PARVB: variants seen among roughly 807,000 people sequenced by gnomAD.
PARVB encodes the protein beta-parvin.
PARVB carries 46 observed loss-of-function variants against 47.0 expected under a neutral mutation model. The ratio of observed to expected loss-of-function variants is 0.98; its 90% confidence interval spans 0.77 to 1.25. The LOEUF (loss-of-function observed/expected upper bound fraction) is 1.25, where lower values mean the gene tolerates loss of function less well. Ranked by LOEUF, PARVB falls within the 50% of genes most tolerant of loss-of-function variation. PARVB has a pLI of 0.00. For synonymous variants in PARVB, 196 were observed against 196.3 expected, an observed-to-expected ratio of 1.00 and a Z score of 0.01; for missense variants, 473 against 471.6, an observed-to-expected ratio of 1.00 and a Z score of -0.03.
Position 44,132,997 on chromosome 22 carries a change from G to A in PARVB, c.621G>A (p.Val207=). The A allele has an allele frequency of 7.4e-6, 12 of 1,613,318 alleles. No individual in the cohort carries two copies. Among genetic ancestry groups the A allele is most frequent in the Non-Finnish European group, 1.0e-5 (12 of 1,179,464 alleles). Reference sequence around the variant, plus strand: ...TTCCTGAGCATGTAACGGTGCAGGTGGTGGTCGTGCGGGTGAGTATAACCG... The same window carrying A: ...TTCCTGAGCATGTAACGGTGCAGGTAGTGGTCGTGCGGGTGAGTATAACCG... ...IRLPEHVTVQ[V]VVVRKREGLL... is the part of the protein sequence containing the mutation. Residue 207 remains valine (V), a synonymous_variant, in exon 6 of 13, where the codon GTG becomes GTA. Coordinates refer to ENST00000338758, the MANE Select transcript of PARVB (RefSeq NM_013327.5).
intron 2 of PARVB, among the ~76,000 whole-genome samples, chr22:44,006,033 C>A (rs1002139628): frequency 3.3e-5 from 5 of 152,222 alleles, no homozygotes; most frequent in African/African-American, 1.2e-4. Context: ...AGTCTCAACT[C>A]CCTGGCTCAA....
intron 2 of PARVB, among the ~76,000 whole-genome samples, chr22:44,011,682 T>C (rs1390559993): frequency 6.6e-6 from 1 of 152,124 alleles, no homozygotes; most frequent in East Asian, 1.9e-4. Context: ...AGAGTCTGTC[T>C]GGCCCCTTAC....
At chr22:44,055,107 CAA>C (rs1438793539) in intron 1 of PARVB, among the ~76,000 whole-genome samples, 1 of 148,606 alleles carries the variant, frequency 6.7e-6, no homozygotes, top group African/African-American at 2.5e-5. Context: ...ATTACACATA[CAA>C]AAGAGTGTAC....
intron 1 of PARVB, among the ~76,000 whole-genome samples, chr22:44,025,453 C>T (rs2050713225): frequency 1.3e-5 from 2 of 152,084 alleles, no homozygotes; most frequent in Admixed American, 1.3e-4. Flanking sequence ...CATGTGTGTG[C>T]CCCCATGCAC....
At chr22:44,075,255 C>A (rs1459740510) in intron 1 of PARVB, among the ~76,000 whole-genome samples, 1 of 152,232 alleles carries the variant, frequency 6.6e-6, no homozygotes, top group Non-Finnish European at 1.5e-5. Flanking sequence ...TGCATACACT[C>A]ACTCATATGC....
At chr22:44,003,517 A>C (rs1387258420) in intron 2 of PARVB, among the ~76,000 whole-genome samples, 1 of 152,096 alleles carries the variant, frequency 6.6e-6, no homozygotes, top group African/African-American at 2.4e-5. Context: ...CTTAACCCAG[A>C]GAGATTAAGC....
At chr22:44,014,401 A>T (rs1260505502) in intron 2 of PARVB, among the ~76,000 whole-genome samples, 1 of 152,214 alleles carries the variant, frequency 6.6e-6, no homozygotes, top group Non-Finnish European at 1.5e-5. Flanking sequence ...GTTTTCTTTA[A>T]TAGGGGCAGC....
intron 1 of PARVB, among the ~76,000 whole-genome samples, chr22:44,031,203 C>G (rs551821781): frequency 6.6e-6 from 1 of 152,330 alleles, no homozygotes; most frequent in African/African-American, 2.4e-5. Context: ...CTGCCCAGCA[C>G]CTTCATGGGA....
At chr22:44,126,904 G>A (rs1205542466) in intron 4 of PARVB, among the ~76,000 whole-genome samples, 5 of 152,204 alleles carry the variant, frequency 3.3e-5, no homozygotes, top group Admixed American at 3.3e-4. Flanking sequence ...ATTTGCATCT[G>A]CATCTCAGCC....
chr22:44,072,872 C>T (rs1409298999), intron 1 of PARVB, among the ~76,000 whole-genome samples: 1 of 152,178 alleles, frequency 6.6e-6, no homozygotes, highest in Non-Finnish European at 1.5e-5. Flanking sequence ...AGGACTGGAA[C>T]TCTCTTTCTT....
At chr22:44,069,081 C>A (rs114129729) in intron 1 of PARVB, 19 of 1,605,582 alleles carry the variant, frequency 1.2e-5, no homozygotes, top group Non-Finnish European at 1.4e-5. Flanking sequence ...CCTATATGAA[C>A]GGGGTGTGTG....
chr22:44,030,041 C>T (rs1394371772), intron 1 of PARVB, among the ~76,000 whole-genome samples: 1 of 152,258 alleles, frequency 6.6e-6, no homozygotes, highest in Non-Finnish European at 1.5e-5. Context: ...AACCAGCAAC[C>T]GAGAATTTCC....
At chr22:44,094,052 G>A in intron 2 of PARVB, 35 bp downstream of exon 2, 3 of 1,340,888 alleles carry the variant, frequency 2.2e-6, no homozygotes, top group Non-Finnish European at 3.2e-6. Context: ...CCCTGAGACA[G>A]TTGAGCTTCC....
chr22:44,101,404 T>C (rs946442890), intron 3 of PARVB, among the ~76,000 whole-genome samples: 19 of 136,164 alleles, frequency 1.4e-4, no homozygotes, highest in East Asian at 6.4e-4. Flanking sequence ...CGAGGCTCCG[T>C]CTCAAAAAAA....
chr22:44,124,128 G>A (rs902937568), intron 4 of PARVB, among the ~76,000 whole-genome samples: 1 of 152,182 alleles, frequency 6.6e-6, no homozygotes, highest in Admixed American at 6.5e-5. Flanking sequence ...GAAGATTGTG[G>A]GGTCCTCTTG....
chr22:44,128,015 T>G (rs1049248207), intron 4 of PARVB, among the ~76,000 whole-genome samples: 1 of 152,134 alleles, frequency 6.6e-6, no homozygotes, highest in African/African-American at 2.4e-5. Context: ...TGAACTGGGC[T>G]CAAACGATCC....
intron 2 of PARVB, among the ~76,000 whole-genome samples, chr22:44,007,461 T>G (rs934793421): frequency 7.9e-5 from 12 of 152,170 alleles, no homozygotes; most frequent in African/African-American, 2.9e-4. Context: ...GGGCTCTCTG[T>G]TCACCCTCTT....
chr22:44,076,581 T>C (rs1196996783), intron 1 of PARVB, among the ~76,000 whole-genome samples: 4 of 152,264 alleles, frequency 2.6e-5, no homozygotes, highest in Non-Finnish European at 4.4e-5. Flanking sequence ...GGGGTGTGTT[T>C]TGAAGGGCAA....
In PARVB at chr22:44,061,194, C is replaced by T. The variant is rs543796845; in HGVS notation, c.113-32734C>T. Reference sequence around the variant, plus strand: ...CTGTAATCCCAGCACTTTGGGAGGCCGAGGCAGGCAGATCACCTGAGGTCA... The same window carrying T: ...CTGTAATCCCAGCACTTTGGGAGGCTGAGGCAGGCAGATCACCTGAGGTCA... On this transcript the variant is annotated intron_variant, in intron 1 of 12. Coordinates refer to ENST00000338758, the MANE Select transcript of PARVB (RefSeq NM_013327.5). Among the ~76,000 whole-genome samples, 6 of 152,120 alleles carry T rather than the reference C, an allele frequency of 3.9e-5. No individual in the cohort carries two copies. In the East Asian group the frequency reaches 7.8e-4, roughly 20 times the overall value.
Sources: allele counts gnomAD v4.1 joint callset (sites outside exome capture counted in the v4.1 genomes callset), GRCh38; gene constraint gnomAD v4.1.1; transcripts MANE v1.5; gene names NCBI Gene and HGNC (gene_info 2026-07-23, HGNC 2026-07-21).